DMAP1: variants seen among roughly 807,000 people sequenced by gnomAD.
The protein encoded by DMAP1 is DNA methyltransferase 1 associated protein 1, also known as DNA methyltransferase 1-associated protein 1.
In DMAP1, 26 loss-of-function variants were observed where a neutral mutation model predicts 52.7. The ratio of observed to expected loss-of-function variants is 0.49; its 90% CI spans 0.36 to 0.68. The LOEUF (loss-of-function observed/expected upper bound fraction) is 0.68. Among genes scored for constraint, DMAP1 ranks in the 30% least tolerant of loss-of-function variants. DMAP1 has a pLI of 0.00. For synonymous variants in DMAP1, 231 were observed against 246.0 expected, an observed-to-expected ratio of 0.94 and a Z score of 0.57; for missense variants, 439 against 625.2, an observed-to-expected ratio of 0.70 and a Z score of 3.18.
At position 44,219,169 on chromosome 1, in the gene DMAP1, T is replaced by G. The variant is rs777381053; in HGVS notation, c.834T>G (p.Thr278=). ...LQKLITAADT[T]AEQRRTERKA... is the part of the protein sequence containing the mutation. The stretch of plus-strand genomic sequence containing the variant: ...AGCTGATCACAGCGGCAGACACCAC[T>G]GCAGAGCAGCGGCGCACGGAACGCA... Residue 278 remains threonine, a synonymous_variant, in exon 6 of 10, where the codon ACT becomes ACG. Coordinates refer to ENST00000372289, the MANE Select transcript of DMAP1 (RefSeq NM_019100.5). The G allele has an allele frequency of 1.2e-6, 2 of 1,614,114 alleles. No homozygotes were observed. The highest frequency in any genetic ancestry group is 1.7e-6 in the Non-Finnish European group (2 of 1,180,024).
At chr1:44,214,964 C>G in intron 3 of DMAP1, 66 bp downstream of exon 3, 1 of 1,585,656 alleles carries the variant, frequency 6.3e-7, no homozygotes. Context: ...TGTGCGAGCT[C>G]TCCAGTCTCC....
In DMAP1 at chr1:44,218,843, G is replaced by A. The variant is rs1643847730; in HGVS notation, c.720+88G>A. Reference sequence around the variant, plus strand: ...TCCATCCCCTCAACTCCCACTCCCAGGTCCCCCTGCCTCCCACTGATACCT... The same window carrying A: ...TCCATCCCCTCAACTCCCACTCCCAAGTCCCCCTGCCTCCCACTGATACCT... On this transcript the variant is annotated intron_variant, in intron 5 of 9. Coordinates refer to ENST00000372289, the MANE Select transcript of DMAP1 (RefSeq NM_019100.5). This position sits in a 1 kb window ranked among gnomAD's most constrained non-coding sequence, Gnocchi z 5.6. 7 of 1,517,334 alleles carry A rather than the reference G, an allele frequency of 4.6e-6. No homozygotes were observed. The highest frequency in any genetic ancestry group is 4.2e-5 in the African/African-American group (3 of 72,034). 94.0% of individuals were successfully genotyped at this position (1,517,334 alleles called of 1,614,324 possible).
At chr1:44,214,934 C>G in intron 3 of DMAP1, 36 bp downstream of exon 3, 1 of 1,612,038 alleles carries the variant, frequency 6.2e-7, no homozygotes, top group East Asian at 2.2e-5. Flanking sequence ...GCCAAGATTG[C>G]CCTCCCACTT....
At position 44,219,452 on chromosome 1, in the gene DMAP1, C is replaced by A; in HGVS notation, c.953C>A (p.Ala318Glu). Residue 318 changes from alanine (A) to glutamate (E), a missense_variant, in exon 7 of 10, where the codon GCA becomes GAA. This residue lies in a region of DMAP1 where 179 missense variants were observed against 285.9 expected (regional missense o/e 0.63). Transcript: ENST00000372289. ...ATCAAGTTTCCAGACTTCAAGTCTG[C>A]AGGTGTCACGCTGCGGAGCCAACGG... is the stretch of plus-strand genomic sequence containing the variant. ...AGIKFPDFKSAGVTLRSQRMK... is the reference protein window; with the variant it reads ...AGIKFPDFKSEGVTLRSQRMK... The A allele has an allele frequency of 6.3e-7, 1 of 1,593,084 alleles. No homozygotes were observed. Among genetic ancestry groups the A allele is most frequent in the Admixed American group, 1.8e-5 (1 of 55,298 alleles).
Position 44,218,469 on chromosome 1 carries a change from G to A in DMAP1, c.552G>A (p.Lys184=). The stretch of plus-strand genomic sequence containing the variant: ...ACCGGTATGACCACCAGCAGTTCAA[G>A]GTGAGCCATTGTGTATTTGCATGGG... ...IHDRYDHQQF[K]KRSVEDLKER... The change falls in exon 4 of 10, where the codon AAG becomes AAA. Residue 184 remains lysine (K), a splice_region_variant and synonymous_variant. Transcript: ENST00000372289. This position sits in a 1 kb window ranked among gnomAD's most constrained non-coding sequence, Gnocchi z 5.6. 1.9e-6 allele frequency: 3 copies of A among 1,614,092 alleles called. No individual in the cohort carries two copies. The highest frequency in any genetic ancestry group is 2.2e-5 in the South Asian group (2 of 91,084).
intron 7 of DMAP1, 35 bp downstream of exon 7, chr1:44,219,512 C>T: frequency 6.5e-7 from 1 of 1,538,976 alleles, no homozygotes; most frequent in Non-Finnish European, 8.7e-7. Flanking sequence ...AGTTTGGGTC[C>T]TGGGCTCTGC....
In DMAP1 at chr1:44,219,477, G is replaced by GGTAC. The variant is rs1274968277; in HGVS notation, c.978+3_978+6dup. 3.2e-6 allele frequency: 5 copies of GGTAC among 1,573,928 alleles called. No homozygotes were observed. The East Asian group carries it at 1.1e-4, about 35-fold the overall frequency. The stretch of plus-strand genomic sequence containing the variant: ...CAGGTGTCACGCTGCGGAGCCAACG[G>GGTAC]GTACGTGAGTCACCTCCTTTAGCAA... On this transcript the variant is annotated frameshift_variant and splice_region_variant. Coordinates refer to ENST00000372289, the MANE Select transcript of DMAP1 (RefSeq NM_019100.5). LOFTEE classifies it high-confidence loss of function.
chr1:44,213,767 C>T lies in DMAP1; in HGVS notation c.14C>T (p.Ala5Val), dbSNP rs1368897971. The change falls in exon 1 of 10, where the codon GCG becomes GTG. Residue 5 changes from alanine to valine, a missense_variant. By Grantham distance (64) the Ala-to-Val change is moderately conservative. Transcript: ENST00000372289. This position sits in a 1 kb window ranked among gnomAD's most constrained non-coding sequence, Gnocchi z 4.5. MATG[A>V]DVRDILELGG... is the part of the protein sequence containing the mutation. ...CTCTCAGGCGCGATGGCTACGGGCG[C>T]GGATGTACGGGACATTCTAGAACTC... 1 of 1,583,742 alleles carries T rather than the reference C, an allele frequency of 6.3e-7. No individual in the cohort carries two copies. Among genetic ancestry groups the T allele is most frequent in the Admixed American group, 1.8e-5 (1 of 55,854 alleles).
Position 44,213,747 on chromosome 1 carries a change from A to G in DMAP1, c.-7A>G. ...ACCTCCGGTGGCTCCCCCATCTCTC[A>G]GGCGCGATGGCTACGGGCGCGGATG... On this transcript the variant is annotated 5_prime_UTR_variant, in exon 1 of 10. Transcript: ENST00000372289. This position sits in a 1 kb window ranked among gnomAD's most constrained non-coding sequence, Gnocchi z 4.5. 1 of 1,570,580 alleles carries G rather than the reference A, an allele frequency of 6.4e-7. No homozygotes were observed.
In DMAP1 at chr1:44,213,549, G is replaced by C; in HGVS notation, c.-205G>C. 3.8e-6 allele frequency: 2 copies of C among 523,152 alleles called. No homozygotes were observed. Among genetic ancestry groups the C allele is most frequent in the South Asian group, 4.8e-5 (2 of 41,272 alleles). The allele number at this position is 523,152 out of a possible 1,614,324, so 32.4% of individuals were successfully genotyped here. ...CCAGGTGCGGAAGTGCGAGGGCCCAGGTGGCTGAAGGGGCCGTTAGGAACA... is the reference window on the plus strand; with the variant it reads ...CCAGGTGCGGAAGTGCGAGGGCCCACGTGGCTGAAGGGGCCGTTAGGAACA... On this transcript the variant is annotated 5_prime_UTR_variant, in exon 1 of 10. Coordinates refer to ENST00000372289, the MANE Select transcript of DMAP1 (RefSeq NM_019100.5). The surrounding 1 kb of genome is among the most constrained non-coding windows in gnomAD (Gnocchi z 4.5).
chr1:44,219,885 G>C lies in DMAP1; in HGVS notation c.1051+7G>C. 2 of 1,614,200 alleles carry C rather than the reference G, an allele frequency of 1.2e-6. No homozygotes were observed. The highest frequency in any genetic ancestry group is 1.7e-6 in the Non-Finnish European group (2 of 1,180,030). On this transcript the variant is annotated splice_region_variant and intron_variant, in intron 8 of 9. Transcript: ENST00000372289. ...CTGCTGGAGCTTGGTGTGGGTGAGTGTGGGGACTGGGCCCCATAGGGTGTA... is the reference window on the plus strand; with the variant it reads ...CTGCTGGAGCTTGGTGTGGGTGAGTCTGGGGACTGGGCCCCATAGGGTGTA...
In DMAP1 at chr1:44,218,021, C is replaced by T. The variant is rs1643828965; in HGVS notation, c.394-290C>T. ...CCTTTGGACTCCACAGAAGCACTTA[C>T]ATGTGGGCCCCTCACCTTAACTATG... On this transcript the variant is annotated intron_variant, in intron 3 of 9. Transcript: ENST00000372289. This position sits in a 1 kb window ranked among gnomAD's most constrained non-coding sequence, Gnocchi z 5.6. 2.0e-6 allele frequency: 1 copy of T among 507,548 alleles called. No individual in the cohort carries two copies. The highest frequency in any genetic ancestry group is 3.6e-6 in the Non-Finnish European group (1 of 278,360). The allele number at this position is 507,548 out of a possible 1,614,324, so 31.4% of individuals were successfully genotyped here.
At chr1:44,215,550 A>G (rs913838436) in intron 3 of DMAP1, 6 of 332,454 alleles carry the variant, frequency 1.8e-5, no homozygotes, top group African/African-American at 1.3e-4. Flanking sequence ...GAGTCTTTCA[A>G]ATAAGAGCCG....
chr1:44,213,599 TC>T lies in DMAP1; in HGVS notation c.-151del, dbSNP rs1332044004. 1 of 640,030 alleles carries T rather than the reference TC, an allele frequency of 1.6e-6. No homozygotes were observed. Among genetic ancestry groups the T allele is most frequent in the East Asian group, 2.9e-5 (1 of 35,010 alleles). 39.6% of individuals were successfully genotyped at this position (640,030 alleles called of 1,614,324 possible). Reference sequence around the variant, plus strand: ...ATCCAAGCGGTGGGGCACAGGCAGATCCCCGACCTGACCTGGACCACCCTTC... The same window carrying T: ...ATCCAAGCGGTGGGGCACAGGCAGATCCCGACCTGACCTGGACCACCCTTC... On this transcript the variant is annotated 5_prime_UTR_variant, in exon 1 of 10. Coordinates refer to ENST00000372289, the MANE Select transcript of DMAP1 (RefSeq NM_019100.5). The surrounding 1 kb of genome is among the most constrained non-coding windows in gnomAD (Gnocchi z 4.5).
At chr1:44,220,402 A>C in intron 9 of DMAP1, 93 bp downstream of exon 9, 1 of 1,531,038 alleles carries the variant, frequency 6.5e-7, no homozygotes, top group Non-Finnish European at 8.8e-7. Context: ...TAGTGCCTGC[A>C]GCAGGAACGA....
At position 44,213,702 on chromosome 1, in the gene DMAP1, T is replaced by C. The variant is rs1222907864; in HGVS notation, c.-52T>C. On this transcript the variant is annotated 5_prime_UTR_variant, in exon 1 of 10. Transcript: ENST00000372289. The surrounding 1 kb of genome is among the most constrained non-coding windows in gnomAD (Gnocchi z 4.5). Reference sequence around the variant, plus strand: ...CGCCCCCTGACCTGAGCCTGGTCCTTCTTCAGGCACTGACCCTTGACCTCC... The same window carrying C: ...CGCCCCCTGACCTGAGCCTGGTCCTCCTTCAGGCACTGACCCTTGACCTCC... 2.6e-6 allele frequency: 4 copies of C among 1,525,978 alleles called. No homozygotes were observed. The African/African-American group carries it at 4.1e-5, about 16-fold the overall frequency. 94.5% of individuals were successfully genotyped at this position (1,525,978 alleles called of 1,614,324 possible). A position where few individuals can be genotyped will look rare whatever the true frequency, so the allele number is the denominator to read the frequency against.
chr1:44,216,258 C>G (rs1002855111), intron 3 of DMAP1: 15 of 151,550 alleles, frequency 9.9e-5, no homozygotes, highest in African/African-American at 3.6e-4. Context: ...GAGACAGGGT[C>G]TCTTTCTGTC....
At chr1:44,214,256 T>C (rs1452987757) in intron 1 of DMAP1, 94 bp from the exon 2 acceptor site, 1 of 1,182,380 alleles carries the variant, frequency 8.5e-7, no homozygotes, top group African/African-American at 1.5e-5. Flanking sequence ...TCATTGACCC[T>C]GTAGGTGCTG....
chr1:44,213,522 ACCCAGGTGCGGAAGTGCGAGGG>A lies in DMAP1; in HGVS notation c.-223_-202del. 1 of 485,446 alleles carries A rather than the reference ACCCAGGTGCGGAAGTGCGAGGG, an allele frequency of 2.1e-6. No homozygotes were observed. Among genetic ancestry groups the A allele is most frequent in the South Asian group, 2.7e-5 (1 of 37,372 alleles). The allele number at this position is 485,446 out of a possible 1,614,324, so 30.1% of individuals were successfully genotyped here. A position where few individuals can be genotyped will look rare whatever the true frequency, so the allele number is the denominator to read the frequency against. ...TGGTAGTGGGGGCTGCAGCTGCCGG[ACCCAGGTGCGGAAGTGCGAGGG>A]CCCAGGTGGCTGAAGGGGCCGTTAG... On this transcript the variant is annotated 5_prime_UTR_variant, in exon 1 of 10. Coordinates refer to ENST00000372289, the MANE Select transcript of DMAP1 (RefSeq NM_019100.5). The surrounding 1 kb of genome is among the most constrained non-coding windows in gnomAD (Gnocchi z 4.5).
Sources: allele counts gnomAD v4.1 joint callset, GRCh38; gene constraint gnomAD v4.1.1; regional missense constraint gnomAD v4.1.1; non-coding constraint Gnocchi (gnomAD v3.1); transcripts MANE v1.5; gene names NCBI Gene and HGNC (gene_info 2026-07-23, HGNC 2026-07-21).